Variants in CDH13 observed in about 807,000 individuals in gnomAD.
The protein encoded by CDH13 is cadherin-13.
Under a neutral mutation model 63.8 loss-of-function variants are expected in CDH13, and 24 were observed. That is an observed-to-expected ratio of 0.38 (90% confidence interval 0.27 to 0.53). The LOEUF is 0.53. CDH13 is among the 20% of genes least tolerant of loss of function. The probability of loss-of-function intolerance (pLI) is 0.85; values close to 1 mark genes in which losing one functional copy is unlikely to be tolerated. For missense variants in CDH13, 1,049 were observed against 903.1 expected (o/e 1.16, Z -2.07); for synonymous variants, 503 against 355.3 (o/e 1.42, Z -4.67).
In CDH13 at chr16:83,796,627, A is replaced by G. The variant is rs770407981; in HGVS notation, c.*1597A>G. On this transcript the variant is annotated 3_prime_UTR_variant, in exon 14 of 14. Transcript: ENST00000567109. ...GGACAGTAACTGTTCTCTGATTTCT[A>G]TCTTGTGTCCAATGTCACTGATGTT... The G allele has an allele frequency of 3.3e-5, 5 of 152,116 alleles. No homozygotes were observed. The highest frequency in any genetic ancestry group is 6.6e-5 in the Admixed American group (1 of 15,266). 9.4% of individuals were successfully genotyped at this position (152,116 alleles called of 1,614,324 possible).
chr16:82,708,872 C>G (rs978908390), intron 1 of CDH13, among the ~76,000 whole-genome samples: 1 of 152,198 alleles, frequency 6.6e-6, no homozygotes, highest in African/African-American at 2.4e-5. Context: ...TGACCAGCAT[C>G]AGAAATTCTG....
intron 2 of CDH13, among the ~76,000 whole-genome samples, chr16:82,895,064 C>T (rs141206010): frequency 1.1e-4 from 17 of 152,246 alleles, no homozygotes; most frequent in South Asian, 2.1e-4. Context: ...ATTTATATGA[C>T]GTAGAATCAC....
chr16:82,720,857 G>T (rs941594599), intron 1 of CDH13, among the ~76,000 whole-genome samples: 5 of 152,148 alleles, frequency 3.3e-5, no homozygotes, highest in African/African-American at 1.2e-4. Flanking sequence ...TGGCTCATTC[G>T]CCAATGAGTC....
At chr16:82,990,968 C>T (rs1259173472) in intron 2 of CDH13, among the ~76,000 whole-genome samples, 3 of 152,258 alleles carry the variant, frequency 2.0e-5, no homozygotes, top group African/African-American at 7.2e-5. Context: ...GGTTTGAGAA[C>T]AATTTTGAAA....
chr16:83,078,220 C>T (rs916056025), intron 3 of CDH13, among the ~76,000 whole-genome samples: 1 of 152,088 alleles, frequency 6.6e-6, no homozygotes, highest in African/African-American at 2.4e-5. Context: ...GATTTTCCTC[C>T]CTTAATTTCC....
At chr16:83,556,566 A>G (rs2075606548) in intron 7 of CDH13, among the ~76,000 whole-genome samples, 1 of 152,200 alleles carries the variant, frequency 6.6e-6, no homozygotes, top group Non-Finnish European at 1.5e-5. Flanking sequence ...CCAATCACAA[A>G]GCCATTAAGT....
intron 1 of CDH13, among the ~76,000 whole-genome samples, chr16:82,633,670 G>C (rs146780452): frequency 6.6e-6 from 1 of 152,290 alleles, no homozygotes; most frequent in Non-Finnish European, 1.5e-5. Context: ...GAGCCACTGC[G>C]CCTGGCCAAG....
chr16:83,174,668 T>A (rs1443033059), intron 4 of CDH13, among the ~76,000 whole-genome samples: 1 of 152,088 alleles, frequency 6.6e-6, no homozygotes, highest in African/African-American at 2.4e-5. Context: ...GAGCCATATG[T>A]ATTAGTCTGT....
At chr16:82,963,502 C>A (rs556625723) in intron 2 of CDH13, among the ~76,000 whole-genome samples, 5 of 152,200 alleles carry the variant, frequency 3.3e-5, no homozygotes, top group Admixed American at 1.3e-4. Context: ...CTCACACACT[C>A]CCCTCTAACT....
At chr16:83,329,070 C>T (rs566460702) in intron 5 of CDH13, among the ~76,000 whole-genome samples, 31 of 152,224 alleles carry the variant, frequency 2.0e-4, no homozygotes, top group African/African-American at 5.5e-4. Flanking sequence ...TGAGCTTCCC[C>T]GAAGCACAAA....
intron 4 of CDH13, among the ~76,000 whole-genome samples, chr16:83,201,369 A>G (rs1425496979): frequency 2.0e-5 from 3 of 151,646 alleles, no homozygotes; most frequent in African/African-American, 4.9e-5. Context: ...GAAAAATAAG[A>G]CAAGGATGAT....
chr16:83,021,964 A>G (rs1468194050), intron 2 of CDH13, among the ~76,000 whole-genome samples: 3 of 152,220 alleles, frequency 2.0e-5, no homozygotes, highest in East Asian at 3.8e-4. Context: ...TATGTTAATG[A>G]AGGCTTGAGT....
chr16:83,676,345 G>A (rs971815655), intron 9 of CDH13, among the ~76,000 whole-genome samples: 16 of 152,184 alleles, frequency 1.1e-4, no homozygotes, highest in African/African-American at 3.9e-4. Context: ...TTGGGGGACT[G>A]GGGTGCTCTG....
intron 8 of CDH13, among the ~76,000 whole-genome samples, chr16:83,658,640 C>G (rs113318883): frequency 1.9e-4 from 24 of 125,072 alleles, no homozygotes; most frequent in Admixed American, 4.5e-4. Flanking sequence ...GGTCTCATGT[C>G]CTCACCACCA....
At chr16:83,772,542 C>G (rs140586268) in intron 11 of CDH13, among the ~76,000 whole-genome samples, 3 of 152,296 alleles carry the variant, frequency 2.0e-5, no homozygotes, top group African/African-American at 7.2e-5. Context: ...GAAACTCTGA[C>G]CATAAAGACT....
intron 6 of CDH13, among the ~76,000 whole-genome samples, chr16:83,400,301 G>A (rs1019276047): frequency 1.3e-5 from 2 of 152,168 alleles, no homozygotes; most frequent in Admixed American, 1.3e-4. Context: ...ACAGGTGTTA[G>A]AGATCAAGTG....
chr16:83,631,356 TG>T (rs1555506744), intron 8 of CDH13, among the ~76,000 whole-genome samples: 1 of 11,636 alleles, frequency 8.6e-5, no homozygotes, highest in South Asian at 3.9e-3. Flanking sequence ...GTGTTTGGTT[TG>T]TTGTTGTTTG....
At chr16:82,933,887 C>G (rs2151298819) in intron 2 of CDH13, among the ~76,000 whole-genome samples, 1 of 152,330 alleles carries the variant, frequency 6.6e-6, no homozygotes, top group Admixed American at 6.5e-5. Context: ...AAGTGTGTTC[C>G]CATGGCCTTG....
intron 1 of CDH13, among the ~76,000 whole-genome samples, chr16:82,767,217 A>G (rs191143130): frequency 4.7e-4 from 71 of 152,350 alleles, no homozygotes; most frequent in Middle Eastern, 6.8e-3. Context: ...TCTAACAAAT[A>G]CACACATCTG....
Sources: gnomAD v4.1 joint callset for allele counts (sites outside exome capture counted in the v4.1 genomes callset) on GRCh38, gnomAD v4.1.1 for gene constraint, MANE v1.5 for transcripts, NCBI Gene and HGNC (gene_info 2026-07-23, HGNC 2026-07-21) for gene names.